HTRA4: variants seen among roughly 807,000 people sequenced by gnomAD.
HTRA4 encodes the protein HtrA serine peptidase 4.
HTRA4 carries 46 observed loss-of-function variants against 49.1 expected under a neutral mutation model. The observed-to-expected ratio is 0.94, with a 90% confidence interval of 0.74 to 1.20. HTRA4 has a LOEUF of 1.20. Ranked by LOEUF, HTRA4 falls within the 50% of genes most tolerant of loss-of-function variation. The probability of loss-of-function intolerance (pLI) is 0.00; values close to 1 mark genes in which losing one functional copy is unlikely to be tolerated. For missense variants in HTRA4, 602 were observed against 636.9 expected (o/e 0.95, Z 0.59); for synonymous variants, 261 against 264.0 (o/e 0.99, Z 0.11).
At chr8:38,979,390 C>T (rs988676930) in intron 5 of HTRA4, 143 bp downstream of exon 5, 31 of 774,772 alleles carry the variant, frequency 4.0e-5, no homozygotes, top group Admixed American at 1.2e-4. Context: ...TGAGACTAGC[C>T]TGGGCAAGAC....
At chr8:38,987,653 C>T (rs1835499779) in intron 8 of HTRA4, among the ~76,000 whole-genome samples, 1 of 152,144 alleles carries the variant, frequency 6.6e-6, no homozygotes, top group Admixed American at 6.5e-5. Flanking sequence ...CTAAACTCCC[C>T]CTTCCAAACC....
In HTRA4 at chr8:38,982,174, A is replaced by G. The variant is rs1262388168; in HGVS notation, c.1115-324A>G. 3.9e-5 allele frequency among the ~76,000 whole-genome samples: 6 copies of G among 152,126 alleles called. No homozygotes were observed. In the East Asian group the frequency reaches 1.2e-3, roughly 29 times the overall value. The stretch of plus-strand genomic sequence containing the variant: ...GGAGACAGCCATTTGAATCCTGTAG[A>G]CTACTGGGTCACTCATTTGTACTCA... On this transcript the variant is annotated intron_variant, in intron 6 of 8. Coordinates refer to ENST00000302495, the MANE Select transcript of HTRA4 (RefSeq NM_153692.4).
At chr8:38,982,037 G>A (rs1314681307) in intron 6 of HTRA4, among the ~76,000 whole-genome samples, 2 of 151,912 alleles carry the variant, frequency 1.3e-5, no homozygotes, top group South Asian at 2.1e-4. Flanking sequence ...CAGTAGAGAC[G>A]GGGTTTCACT....
chr8:38,978,177 CCATGGGCTGTGGACCAGTA>C (rs771724685), intron 4 of HTRA4, 30 bp downstream of exon 4: 38 of 1,579,206 alleles, frequency 2.4e-5, no homozygotes, highest in Non-Finnish European at 3.0e-5. Flanking sequence ...GGTGCCCAAC[CCATGGGCTGTGGACCAGTA>C]CAGGTCCATG....
Position 38,987,965 on chromosome 8 carries a change from T to G in HTRA4, c.1298T>G (p.Val433Gly), listed in dbSNP as rs1422605576. ...GGATTGAGAGATCACGATGTAATTG[T>G]CAACATAAATGGGAAACCTATTACT... ...SSGLRDHDVI[V>G]NINGKPITTT... Residue 433 changes from valine to glycine, a missense_variant, in exon 9 of 9, where the codon GTC (valine) becomes GGC (glycine). Coordinates refer to ENST00000302495, the MANE Select transcript of HTRA4 (RefSeq NM_153692.4). 1.9e-6 allele frequency: 3 copies of G among 1,604,064 alleles called. No individual in the cohort carries two copies. Among genetic ancestry groups the G allele is most frequent in the Non-Finnish European group, 2.5e-6 (3 of 1,177,406 alleles).
intron 3 of HTRA4, 101 bp downstream of exon 3, chr8:38,976,840 G>A (rs1229762820): frequency 3.6e-6 from 4 of 1,103,166 alleles, no homozygotes; most frequent in Non-Finnish European, 5.3e-6. Context: ...CATCTTTTCT[G>A]TTGAATATAT....
chr8:38,977,126 G>A (rs973910577), intron 3 of HTRA4, among the ~76,000 whole-genome samples: 3 of 152,044 alleles, frequency 2.0e-5, no homozygotes, highest in Non-Finnish European at 4.4e-5. Flanking sequence ...AGTAGAGACT[G>A]GGTTTTACCA....
In HTRA4 at chr8:38,974,670, C is replaced by A; in HGVS notation, c.407C>A (p.Ala136Glu). 7.1e-7 allele frequency: 1 copy of A among 1,400,444 alleles called. No individual in the cohort carries two copies. The highest frequency in any genetic ancestry group is 9.2e-7 in the Non-Finnish European group (1 of 1,087,136). The allele number at this position is 1,400,444 out of a possible 1,614,324, so 86.8% of individuals were successfully genotyped here. A position where few individuals can be genotyped will look rare whatever the true frequency, so the allele number is the denominator to read the frequency against. The change falls in exon 1 of 9, where the codon GCG becomes GAG. Residue 136 changes from alanine to glutamate, a missense_variant. Coordinates refer to ENST00000302495, the MANE Select transcript of HTRA4 (RefSeq NM_153692.4). ...MCALRAENRA[A>E]RRLGKVPAVP... ...GCGCTCCGGGCCGAAAACCGCGCCG[C>A]GCGCCGCCTGGGCAAGGTCCCGGCC...
chr8:38,984,630 T>G (rs1484332362), intron 8 of HTRA4, among the ~76,000 whole-genome samples: 1 of 152,014 alleles, frequency 6.6e-6, no homozygotes, highest in African/African-American at 2.4e-5. Flanking sequence ...ATGCCTGTAA[T>G]CCCAGCTACT....
chr8:38,975,249 T>G (rs1835335321), intron 2 of HTRA4, 119 bp downstream of exon 2: 1 of 1,010,170 alleles, frequency 9.9e-7, no homozygotes. Flanking sequence ...AACTGAGACG[T>G]AAAGAGGTTG....
chr8:38,981,074 T>TTG (rs1835414467), intron 5 of HTRA4, among the ~76,000 whole-genome samples: 1 of 101,288 alleles, frequency 9.9e-6, no homozygotes, highest in African/African-American at 5.6e-5. Flanking sequence ...TTTTTTTTTT[T>TTG]TTTTTTTTTT....
intron 2 of HTRA4, 21 bp from the exon 3 acceptor site, chr8:38,976,514 A>T: frequency 6.2e-7 from 1 of 1,612,518 alleles, no homozygotes; most frequent in Non-Finnish European, 8.5e-7. Flanking sequence ...CTCTGTTTAC[A>T]CTATTGTCTT....
At chr8:38,984,410 C>T (rs1225432350) in intron 8 of HTRA4, among the ~76,000 whole-genome samples, 7 of 151,262 alleles carry the variant, frequency 4.6e-5, no homozygotes, top group Non-Finnish European at 5.9e-5. Context: ...CCTGAGAGTT[C>T]GAGACCAGCC....
chr8:38,974,864 T>C, intron 1 of HTRA4, 135 bp downstream of exon 1: 2 of 1,178,958 alleles, frequency 1.7e-6, no homozygotes, highest in Non-Finnish European at 2.4e-6. Context: ...GACACCTCTG[T>C]GTTCCTGATT....
chr8:38,981,754 G>A lies in HTRA4; in HGVS notation c.1101G>A (p.Glu367=). ...RVRQFLAEYH[E]HQMKGKAFSN... is the part of the protein sequence containing the mutation. ...GGCAGTTCTTGGCAGAATACCATGAGCACCAGATGAAAGGTAAAGCAAGTT... is the reference window on the plus strand; with the variant it reads ...GGCAGTTCTTGGCAGAATACCATGAACACCAGATGAAAGGTAAAGCAAGTT... The change falls in exon 6 of 9, where the codon GAG becomes GAA. Residue 367 remains glutamate, a synonymous_variant. Transcript: ENST00000302495. The A allele has an allele frequency of 6.2e-7, 1 of 1,609,820 alleles. No individual in the cohort carries two copies. The highest frequency in any genetic ancestry group is 8.5e-7 in the Non-Finnish European group (1 of 1,177,022).
chr8:38,974,935 A>G (rs1157509762), intron 1 of HTRA4, 96 bp from the exon 2 acceptor site: 13 of 1,443,702 alleles, frequency 9.0e-6, no homozygotes, highest in Middle Eastern at 1.7e-4. Context: ...CTCCCCATGC[A>G]CCTTTTGAAC....
At chr8:38,987,755 AC>A (rs1197242452) in intron 8 of HTRA4, among the ~76,000 whole-genome samples, 180 bp from the exon 9 acceptor site, 1 of 152,162 alleles carries the variant, frequency 6.6e-6, no homozygotes, top group East Asian at 1.9e-4. Flanking sequence ...CCTCTAGGTG[AC>A]TTTTTTGCAG....
chr8:38,978,122 A>G lies in HTRA4; in HGVS notation c.941A>G (p.Tyr314Cys). 6.2e-7 allele frequency: 1 copy of G among 1,613,780 alleles called. No individual in the cohort carries two copies. The highest frequency in any genetic ancestry group is 8.5e-7 in the Non-Finnish European group (1 of 1,179,828). ...ELGMKDSDMD[Y>C]VQIDATINYG... ...GGGATGAAGGATTCAGATATGGACT[A>G]CGTCCAGATTGATGCCACAATTAAT... Residue 314 changes from tyrosine to cysteine, a missense_variant, in exon 4 of 9, where the codon TAC becomes TGC. Physicochemically the swap from Tyr to Cys is radical, Grantham distance 194 (BLOSUM62 -2). Transcript: ENST00000302495.
Position 38,975,098 on chromosome 8 carries a change from G to A in HTRA4, c.534G>A (p.Ala178=), listed in dbSNP as rs756829472. The A allele has an allele frequency of 6.2e-7, 1 of 1,613,844 alleles. No individual in the cohort carries two copies. ...TCGCCGCGGTGGTGGAGAAGGTGGC[G>A]CCATCGGTGGTTCACGTGCAGCTGT... ...NFIAAVVEKV[A]PSVVHVQLWG... is the part of the protein sequence containing the mutation. Residue 178 remains alanine, a synonymous_variant, in exon 2 of 9, where the codon GCG becomes GCA. Transcript: ENST00000302495.
Sources: gnomAD v4.1 joint callset for allele counts (sites outside exome capture counted in the v4.1 genomes callset) on GRCh38, gnomAD v4.1.1 for gene constraint, MANE v1.5 for transcripts, NCBI Gene and HGNC (gene_info 2026-07-23, HGNC 2026-07-21) for gene names.